The following PLEKHG5 variants were observed in gnomAD, a reference collection of about 807,000 sequenced individuals.
PLEKHG5 encodes pleckstrin homology and RhoGEF domain containing G5.
Under a neutral mutation model 103.8 loss-of-function variants are expected in PLEKHG5, and 52 were observed. The ratio of observed to expected loss-of-function variants is 0.50; its 90% CI spans 0.40 to 0.63. PLEKHG5 has a LOEUF of 0.63. Ranked by LOEUF, PLEKHG5 falls within the 30% of genes least tolerant of loss-of-function variation. The pLI, the probability that PLEKHG5 is intolerant of heterozygous loss-of-function variation, is 0.00. For missense variants in PLEKHG5, 1,205 were observed against 1,347.6 expected (o/e 0.89, Z 1.66); for synonymous variants, 592 against 575.5 (o/e 1.03, Z -0.41).
chr1:6,511,458 C>A (rs1018405502), intron 1 of PLEKHG5, among the ~76,000 whole-genome samples: 2 of 152,210 alleles, frequency 1.3e-5, no homozygotes, highest in African/African-American at 4.8e-5. Flanking sequence ...TATGAAAGGA[C>A]CCCGCTTGGA....
chr1:6,475,181 CG>C (rs1644723608), intron 4 of PLEKHG5, 43 bp from the exon 5 acceptor site: 2 of 1,124,646 alleles, frequency 1.8e-6, no homozygotes, highest in Middle Eastern at 2.3e-4. Context: ...TTCTCCTCAC[CG>C]CCCTCATTCC....
chr1:6,476,002 T>C lies in PLEKHG5; in HGVS notation c.78A>G (p.Ser26=), dbSNP rs1644756219. ...SVLARNVSTR[S]CPPRTSPAVD... ...CTGCGGGGCTGGTGCGCGGCGGGCA[T>C]GACCGGGTGGACACGTTCCGGGCCA... The change falls in exon 3 of 21, where the codon TCA becomes TCG. Residue 26 remains serine, a synonymous_variant. Coordinates refer to ENST00000377728, the MANE Select transcript of PLEKHG5 (RefSeq NM_020631.6). 2 of 1,613,740 alleles carry C rather than the reference T, an allele frequency of 1.2e-6. No individual in the cohort carries two copies. The highest frequency in any genetic ancestry group is 1.7e-6 in the Non-Finnish European group (2 of 1,180,030).
In PLEKHG5 at chr1:6,512,124, A is replaced by C. The variant is rs1179424495; in HGVS notation, c.-165+7321T>G. 3.9e-5 allele frequency among the ~76,000 whole-genome samples: 6 copies of C among 152,288 alleles called. No individual in the cohort carries two copies. The East Asian group carries it at 1.2e-3, about 29-fold the overall frequency. On this transcript the variant is annotated intron_variant, in intron 1 of 21. Transcript: ENST00000377740. ...GGATCACCATCACCCCGTTTTACAG[A>C]GGAGGAAGCGGAGGCTCGGGACGCC...
intron 1 of PLEKHG5, among the ~76,000 whole-genome samples, chr1:6,510,027 A>G (rs892251423): frequency 6.6e-6 from 1 of 152,086 alleles, no homozygotes; most frequent in African/African-American, 2.4e-5. Context: ...GTGTCTGAGG[A>G]GGCCTGTCTG....
At chr1:6,512,675 A>T (rs952688703) in intron 1 of PLEKHG5, among the ~76,000 whole-genome samples, 13 of 152,290 alleles carry the variant, frequency 8.5e-5, no homozygotes, top group Non-Finnish European at 1.3e-4. Flanking sequence ...TTTCAGTGCC[A>T]TCAGCCCTGC....
chr1:6,472,723 G>T, intron 9 of PLEKHG5, 101 bp from the exon 10 acceptor site: 4 of 871,574 alleles, frequency 4.6e-6, no homozygotes, highest in Non-Finnish European at 5.6e-6. Flanking sequence ...TCCCAATGGG[G>T]ACATGGAGGT....
At position 6,467,337 on chromosome 1, in the gene PLEKHG5, G is replaced by T. The variant is rs1216743738; in HGVS notation, c.*226C>A. On this transcript the variant is annotated 3_prime_UTR_variant, in exon 21 of 21. Coordinates refer to ENST00000377728, the MANE Select transcript of PLEKHG5 (RefSeq NM_020631.6). ...CTGAGCTGGTAACTTCGGGGAGTAG[G>T]TGACGAGGGGCTGCCTGGGCAGGTG... 3 of 647,724 alleles carry T rather than the reference G, an allele frequency of 4.6e-6. No individual in the cohort carries two copies. The highest frequency in any genetic ancestry group is 8.5e-6 in the Non-Finnish European group (3 of 354,908). The allele number at this position is 647,724 out of a possible 1,614,324, so 40.1% of individuals were successfully genotyped here. A position where few individuals can be genotyped will look rare whatever the true frequency, so the allele number is the denominator to read the frequency against.
rs1417501416 is a variant in PLEKHG5 at position 6,486,640 on chromosome 1, C to T, written c.-88+4997G>A. On this transcript the variant is annotated intron_variant, in intron 1 of 20. Transcript: ENST00000377728. This position sits in a 1 kb window ranked among gnomAD's most constrained non-coding sequence, Gnocchi z 5.3. ...CTGCAGTTCTAGGCCAGGTCCCCAC[C>T]GCCAGGGGGCACTCAGCAAAGCCTG... Among the ~76,000 whole-genome samples, 2 of 152,208 alleles carry T rather than the reference C, an allele frequency of 1.3e-5. No individual in the cohort carries two copies. The highest frequency in any genetic ancestry group is 2.4e-5 in the African/African-American group (1 of 41,442).
chr1:6,468,529 C>A lies in PLEKHG5; in HGVS notation c.2307G>T (p.Thr769=). ...CGCTGTCGAACTCGGGGGAGGACAG[C>A]GTGTCCCCAGGCTCTACCACAACCA... is the stretch of plus-strand genomic sequence containing the variant. ...LAMVVVEPGD[T]LSSPEFDSGP... Residue 769 remains threonine, a synonymous_variant, in exon 20 of 21, where the codon ACG becomes ACT. Transcript: ENST00000377728. 6.2e-7 allele frequency: 1 copy of A among 1,612,654 alleles called. No individual in the cohort carries two copies. Among genetic ancestry groups the A allele is most frequent in the Non-Finnish European group, 8.5e-7 (1 of 1,179,702 alleles).
rs755513110 is a variant in PLEKHG5 at position 6,471,569 on chromosome 1, G to C, written c.1200C>G (p.Ser400Arg). Reference protein sequence around the residue: ...IAQLHRRLWASVMAPVLEKAR... With the variant: ...IAQLHRRLWARVMAPVLEKAR... ...CCTTCTCCAGCACCGGCGCCATCAC[G>C]CTAGCCCACAGCCTGCGGTGCAGCT... Residue 400 changes from serine to arginine, a missense_variant, in exon 12 of 21, where the codon AGC (serine) becomes AGG (arginine). Transcript: ENST00000377728. 9.4e-6 allele frequency: 15 copies of C among 1,602,676 alleles called. No homozygotes were observed. The highest frequency in any genetic ancestry group is 2.3e-5 in the East Asian group (1 of 44,392).
intron 1 of PLEKHG5, among the ~76,000 whole-genome samples, chr1:6,489,446 G>C (rs1472977733): frequency 6.6e-6 from 1 of 152,220 alleles, no homozygotes; most frequent in Non-Finnish European, 1.5e-5. Flanking sequence ...CCACCGCACG[G>C]GCCCTGGAAG....
At chr1:6,494,546 G>A (rs995921900), upstream of PLEKHG5, among the ~76,000 whole-genome samples, 5 of 152,104 alleles carry the variant, frequency 3.3e-5, no homozygotes, top group African/African-American at 9.7e-5. Flanking sequence ...TCGCAGGTAT[G>A]AGCAACCACA....
At chr1:6,504,020 C>T (rs1638229023) in intron 1 of PLEKHG5, among the ~76,000 whole-genome samples, 1 of 152,230 alleles carries the variant, frequency 6.6e-6, no homozygotes. Flanking sequence ...AAGGGGAGCA[C>T]AGTCTGAGTG....
Position 6,490,030 on chromosome 1 carries a change from G to A in PLEKHG5, c.-88+1607C>T, listed in dbSNP as rs181706318. On this transcript the variant is annotated intron_variant, in intron 1 of 20. Coordinates refer to ENST00000377728, the MANE Select transcript of PLEKHG5 (RefSeq NM_020631.6). The surrounding 1 kb of genome is among the most constrained non-coding windows in gnomAD (Gnocchi z 8.0). ...TGGGTCTGCTCAGACTGCCCGAGGC[G>A]CAGCCTCTGGCGCCCCCTGCCGGCC... 3.9e-5 allele frequency among the ~76,000 whole-genome samples: 6 copies of A among 152,272 alleles called. No homozygotes were observed. In the East Asian group the frequency reaches 1.2e-3, roughly 29 times the overall value.
At chr1:6,489,445 G>A (rs528966921) in intron 1 of PLEKHG5, among the ~76,000 whole-genome samples, 23 of 152,324 alleles carry the variant, frequency 1.5e-4, no homozygotes, top group South Asian at 2.1e-4. Context: ...CCCACCGCAC[G>A]GGCCCTGGAA....
In PLEKHG5 at chr1:6,470,245, C is replaced by T; in HGVS notation, c.1791G>A (p.Lys597=). ...LEGSLRMKEG[K]DSKMDVYCFL... ...GTGGCCCTGGAATCACCTTGCTGTC[C>T]TTCCCCTCCTTCATCCTCAGGCTCC... Residue 597 remains lysine (K), a synonymous_variant, in exon 16 of 21, where the codon AAG becomes AAA. Coordinates refer to ENST00000377728, the MANE Select transcript of PLEKHG5 (RefSeq NM_020631.6). The T allele has an allele frequency of 6.2e-7, 1 of 1,613,956 alleles. No homozygotes were observed. The highest frequency in any genetic ancestry group is 8.5e-7 in the Non-Finnish European group (1 of 1,179,986).
chr1:6,512,691 G>C (rs961506779), intron 1 of PLEKHG5, among the ~76,000 whole-genome samples: 2 of 152,184 alleles, frequency 1.3e-5, no homozygotes, highest in African/African-American at 4.8e-5. Context: ...CCTGCCCTGC[G>C]CTGGCACAGC....
At chr1:6,471,145 C>T in intron 12 of PLEKHG5, 45 bp from the exon 13 acceptor site, 2 of 1,480,454 alleles carry the variant, frequency 1.4e-6, no homozygotes, top group Non-Finnish European at 1.8e-6. Context: ...CCGCGCGCTC[C>T]CTGCGGGCCG....
chr1:6,479,282 C>CTTTT (rs59798457), intron 1 of PLEKHG5, among the ~76,000 whole-genome samples: 13 of 130,914 alleles, frequency 9.9e-5, no homozygotes, highest in Non-Finnish European at 1.4e-4. Context: ...TCTGTTTATC[C>CTTTT]TTTTTTTTTT....
Sources: allele counts gnomAD v4.1 joint callset (sites outside exome capture counted in the v4.1 genomes callset), GRCh38; gene constraint gnomAD v4.1.1; non-coding constraint Gnocchi (gnomAD v3.1); transcripts MANE v1.5; gene names NCBI Gene and HGNC (gene_info 2026-07-23, HGNC 2026-07-21).